Variants in MSGN1 observed in about 807,000 individuals in gnomAD.
MSGN1 encodes mesogenin 1.
In MSGN1, 3 loss-of-function variants were observed where a neutral mutation model predicts 10.1. That is an observed-to-expected ratio of 0.30 (90% CI 0.13 to 0.76). MSGN1 has a LOEUF of 0.76. Among genes scored for constraint, MSGN1 ranks in the 30% least tolerant of loss-of-function variants. MSGN1 has a pLI of 0.67. For synonymous variants in MSGN1, 110 were observed against 103.8 expected (o/e 1.06, Z -0.37); for missense variants, 244 against 244.5 (o/e 1.00, Z 0.01).
At position 17,816,505 on chromosome 2, in the gene MSGN1, G is replaced by T; in HGVS notation, c.-14G>T. On this transcript the variant is annotated 5_prime_UTR_variant, in exon 1 of 1. Transcript: ENST00000281047. ...TTGCCAGGGAGCCATTCCTTCTGCA[G>T]CTGTCTCGCAGGCATGGACAACCTG... The T allele has an allele frequency of 6.5e-7, 1 of 1,544,918 alleles. No individual in the cohort carries two copies. The highest frequency in any genetic ancestry group is 8.7e-7 in the Non-Finnish European group (1 of 1,143,698).
In MSGN1 at chr2:17,817,019, A is replaced by G. The variant is rs200799044; in HGVS notation, c.501A>G (p.Thr167=). Residue 167 remains threonine (T), a synonymous_variant, in exon 1 of 1, where the codon ACA becomes ACG. Transcript: ENST00000281047. ...GCCAGCCTCTCACCAAGATCCAGAC[A>G]CTCAAGTACACCATCAAGTACATCG... ...QRGQPLTKIQ[T]LKYTIKYIGE... 53 of 1,614,046 alleles carry G rather than the reference A, an allele frequency of 3.3e-5. No homozygotes were observed. Among genetic ancestry groups the G allele is most frequent in the Non-Finnish European group, 4.2e-6 (5 of 1,180,044 alleles).
chr2:17,817,248 G>T lies in MSGN1; in HGVS notation c.*148G>T. The T allele has an allele frequency of 1.4e-6, 1 of 739,406 alleles. No individual in the cohort carries two copies. The highest frequency in any genetic ancestry group is 2.2e-6 in the Non-Finnish European group (1 of 454,394). The allele number at this position is 739,406 out of a possible 1,614,324, so 45.8% of individuals were successfully genotyped here. ...ATCTTGTGATCTGAAAAACCCTAAG[G>T]GAATTCACATGTAACCTGTTGGACC... On this transcript the variant is annotated 3_prime_UTR_variant, in exon 1 of 1. Transcript: ENST00000281047.
Position 17,817,002 on chromosome 2 carries a change from C to T in MSGN1, c.484C>T (p.Leu162Phe). ...PPVYSQRGQP[L>F]TKIQTLKYTI... is the part of the protein sequence containing the mutation. ...TGTCTACAGCCAGAGAGGCCAGCCT[C>T]TCACCAAGATCCAGACACTCAAGTA... Residue 162 changes from leucine to phenylalanine, a missense_variant, in exon 1 of 1, where the codon CTC becomes TTC. Physicochemically the swap from Leu to Phe is conservative, Grantham distance 22 (BLOSUM62 0). Transcript: ENST00000281047. The T allele has an allele frequency of 6.2e-7, 1 of 1,614,224 alleles. No individual in the cohort carries two copies. The highest frequency in any genetic ancestry group is 1.6e-4 in the Middle Eastern group (1 of 6,062).
At position 17,817,074 on chromosome 2, in the gene MSGN1, A is replaced by C; in HGVS notation, c.556A>C (p.Arg186=). ...GELTDLLNRG[R]EPRAQSA The stretch of plus-strand genomic sequence containing the variant: ...ACTCACAGACCTCCTTAACCGCGGC[A>C]GAGAGCCCAGAGCCCAGAGCGCGTG... Residue 186 remains arginine, a synonymous_variant, in exon 1 of 1, where the codon AGA becomes CGA. Coordinates refer to ENST00000281047, the MANE Select transcript of MSGN1 (RefSeq NM_001105569.3). 6.2e-7 allele frequency: 1 copy of C among 1,613,950 alleles called. No individual in the cohort carries two copies.
Position 17,816,665 on chromosome 2 carries a change from G to T in MSGN1, c.147G>T (p.Pro49=). ...CCTCCCCCTCTCAGAGCCTTTCCCC[G>T]GCTCCATCGCTGGAATCCTATTCTT... The part of the protein sequence containing the change: ...NQASPSQSLS[P]APSLESYSSS... The change falls in exon 1 of 1, where the codon CCG becomes CCT. Residue 49 remains proline (P), a synonymous_variant. Transcript: ENST00000281047. 1 of 1,614,228 alleles carries T rather than the reference G, an allele frequency of 6.2e-7. No homozygotes were observed.
At position 17,816,482 on chromosome 2, in the gene MSGN1, G is replaced by A; in HGVS notation, c.-37G>A. On this transcript the variant is annotated 5_prime_UTR_variant, in exon 1 of 1. Coordinates refer to ENST00000281047, the MANE Select transcript of MSGN1 (RefSeq NM_001105569.3). ...GGCGGCAGAATTTTCTTTCTCACTT[G>A]CCAGGGAGCCATTCCTTCTGCAGCT... 7.3e-6 allele frequency: 11 copies of A among 1,507,160 alleles called. No individual in the cohort carries two copies. Among genetic ancestry groups the A allele is most frequent in the Non-Finnish European group, 9.8e-6 (11 of 1,124,012 alleles). The allele number at this position is 1,507,160 out of a possible 1,614,324, so 93.4% of individuals were successfully genotyped here. A position where few individuals can be genotyped will look rare whatever the true frequency, so the allele number is the denominator to read the frequency against.
rs375110697 is a variant in MSGN1 at position 17,816,959 on chromosome 2, C to T, written c.441C>T (p.Leu147=). 7.4e-6 allele frequency: 12 copies of T among 1,614,128 alleles called. No individual in the cohort carries two copies. The African/African-American group carries it at 1.5e-4, about 20-fold the overall frequency. Residue 147 remains leucine, a synonymous_variant, in exon 1 of 1, where the codon CTC becomes CTT. Transcript: ENST00000281047. ...CCTTGGCAGATGCCCTGCACACCCT[C>T]CGGAATTACCTGCCACCTGTCTACA... ...MRTLADALHT[L]RNYLPPVYSQ...
In MSGN1 at chr2:17,817,123, G is replaced by C. The variant is rs372635943; in HGVS notation, c.*23G>C. The C allele has an allele frequency of 6.3e-7, 1 of 1,595,266 alleles. No individual in the cohort carries two copies. The highest frequency in any genetic ancestry group is 8.6e-7 in the Non-Finnish European group (1 of 1,166,622). On this transcript the variant is annotated 3_prime_UTR_variant, in exon 1 of 1. Coordinates refer to ENST00000281047, the MANE Select transcript of MSGN1 (RefSeq NM_001105569.3). The stretch of plus-strand genomic sequence containing the variant: ...TGAGCTCCATCCGGGGAAACTGACC[G>C]GTTCCAGCCTCCTGAGCAGGAGTAG...
rs200591173 is a variant in MSGN1 at position 17,816,760 on chromosome 2, G to C, written c.242G>C (p.Gly81Ala). The stretch of plus-strand genomic sequence containing the variant: ...GGGGCCAGCAGTGGGGGCAGCGAAG[G>C]CTGCAGTGTCGGTGGGGCCAGTGGC... ...HGGASSGGSE[G>A]CSVGGASGLV... Residue 81 changes from glycine to alanine, a missense_variant, in exon 1 of 1, where the codon GGC (glycine) becomes GCC (alanine). Coordinates refer to ENST00000281047, the MANE Select transcript of MSGN1 (RefSeq NM_001105569.3). The C allele has an allele frequency of 1.2e-4, 196 of 1,614,008 alleles. 1 individual carries two copies. The East Asian group carries it at 4.3e-3, about 35-fold the overall frequency.
In MSGN1 at chr2:17,817,074, A is replaced by G. The variant is rs367554771; in HGVS notation, c.556A>G (p.Arg186Gly). ...GELTDLLNRG[R>G]EPRAQSA ...ACTCACAGACCTCCTTAACCGCGGCAGAGAGCCCAGAGCCCAGAGCGCGTG... is the reference window on the plus strand; with the variant it reads ...ACTCACAGACCTCCTTAACCGCGGCGGAGAGCCCAGAGCCCAGAGCGCGTG... Residue 186 changes from arginine (R) to glycine (G), a missense_variant, in exon 1 of 1, where the codon AGA becomes GGA. Transcript: ENST00000281047. The G allele has an allele frequency of 1.4e-5, 22 of 1,613,832 alleles. No individual in the cohort carries two copies. The highest frequency in any genetic ancestry group is 1.9e-5 in the Non-Finnish European group (22 of 1,179,888).
Position 17,816,617 on chromosome 2 carries a change from A to G in MSGN1, c.99A>G (p.Ala33=). 6.2e-7 allele frequency: 1 copy of G among 1,613,758 alleles called. No homozygotes were observed. Among genetic ancestry groups the G allele is most frequent in the Non-Finnish European group, 8.5e-7 (1 of 1,179,648 alleles). The change falls in exon 1 of 1, where the codon GCA becomes GCG. Residue 33 remains alanine (A), a synonymous_variant. Transcript: ENST00000281047. ...LLSSWDWKDR[A]GPFELNQASP... ...CTTCCTGGGACTGGAAGGACAGGGC[A>G]GGGCCCTTTGAGCTGAATCAGGCCT...
In MSGN1 at chr2:17,817,122, C is replaced by CGGTT. The variant is rs766015995; in HGVS notation, c.*23_*26dup. 6.3e-7 allele frequency: 1 copy of CGGTT among 1,594,950 alleles called. No homozygotes were observed. The highest frequency in any genetic ancestry group is 8.6e-7 in the Non-Finnish European group (1 of 1,166,418). On this transcript the variant is annotated 3_prime_UTR_variant, in exon 1 of 1. Transcript: ENST00000281047. ...GTGAGCTCCATCCGGGGAAACTGAC[C>CGGTT]GGTTCCAGCCTCCTGAGCAGGAGTA... is the stretch of plus-strand genomic sequence containing the variant.
Position 17,817,055 on chromosome 2 carries a change from A to G in MSGN1, c.537A>G (p.Thr179=). 1 of 1,613,840 alleles carries G rather than the reference A, an allele frequency of 6.2e-7. No homozygotes were observed. The highest frequency in any genetic ancestry group is 8.5e-7 in the Non-Finnish European group (1 of 1,179,762). ...CCATCAAGTACATCGGGGAACTCAC[A>G]GACCTCCTTAACCGCGGCAGAGAGC... ...KYTIKYIGEL[T]DLLNRGREPR... is the part of the protein sequence containing the mutation. Residue 179 remains threonine (T), a synonymous_variant, in exon 1 of 1, where the codon ACA becomes ACG. Coordinates refer to ENST00000281047, the MANE Select transcript of MSGN1 (RefSeq NM_001105569.3).
At position 17,816,870 on chromosome 2, in the gene MSGN1, A is replaced by G. The variant is rs767095319; in HGVS notation, c.352A>G (p.Lys118Glu). ...TGGCCCCAAGGCCCAGAAGGGCACCAAAGTCAGGATGTCTGTCCAGCGGAG... is the reference window on the plus strand; with the variant it reads ...TGGCCCCAAGGCCCAGAAGGGCACCGAAGTCAGGATGTCTGTCCAGCGGAG... ...GGGPKAQKGT[K>E]VRMSVQRRRK... is the part of the protein sequence containing the mutation. Residue 118 changes from lysine (K) to glutamate (E), a missense_variant, in exon 1 of 1, where the codon AAA (lysine) becomes GAA (glutamate). Transcript: ENST00000281047. The G allele has an allele frequency of 1.6e-5, 26 of 1,614,240 alleles. No individual in the cohort carries two copies. Among genetic ancestry groups the G allele is most frequent in the East Asian group, 1.3e-4 (6 of 44,880 alleles).
In MSGN1 at chr2:17,816,945, G is replaced by GCCCTGCACA. The variant is rs772224009; in HGVS notation, c.432_440dup (p.His145_Leu147dup). On this transcript the variant is annotated inframe_insertion, in exon 1 of 1. Transcript: ENST00000281047. ...GCTCAGGATGAGGACCTTGGCAGAT[G>GCCCTGCACA]CCCTGCACACCCTCCGGAATTACCT... 2 of 1,614,240 alleles carry GCCCTGCACA rather than the reference G, an allele frequency of 1.2e-6. No individual in the cohort carries two copies. The highest frequency in any genetic ancestry group is 2.2e-5 in the South Asian group (2 of 91,074).
At position 17,817,474 on chromosome 2, in the gene MSGN1, AC is replaced by A. The variant is rs1158110926; in HGVS notation, c.*376del. The stretch of plus-strand genomic sequence containing the variant: ...AATCTCTTGCCATTTTGGCGTTGAG[AC>A]CTTTTCTTCTGTTGCTAACAAAACC... On this transcript the variant is annotated 3_prime_UTR_variant, in exon 1 of 1. Transcript: ENST00000281047. Among the ~76,000 whole-genome samples, 1 of 152,140 alleles carries A rather than the reference AC, an allele frequency of 6.6e-6. No homozygotes were observed. The highest frequency in any genetic ancestry group is 1.5e-5 in the Non-Finnish European group (1 of 68,026).
At position 17,817,133 on chromosome 2, in the gene MSGN1, T is replaced by C; in HGVS notation, c.*33T>C. ...CCGGGGAAACTGACCGGTTCCAGCCTCCTGAGCAGGAGTAGAGGAGTTTTG... is the reference window on the plus strand; with the variant it reads ...CCGGGGAAACTGACCGGTTCCAGCCCCCTGAGCAGGAGTAGAGGAGTTTTG... On this transcript the variant is annotated 3_prime_UTR_variant, in exon 1 of 1. Transcript: ENST00000281047. 6.3e-7 allele frequency: 1 copy of C among 1,578,534 alleles called. No individual in the cohort carries two copies. The highest frequency in any genetic ancestry group is 8.7e-7 in the Non-Finnish European group (1 of 1,154,436).
At position 17,816,696 on chromosome 2, in the gene MSGN1, C is replaced by T; in HGVS notation, c.178C>T (p.Pro60Ser). The T allele has an allele frequency of 6.2e-7, 1 of 1,614,254 alleles. No individual in the cohort carries two copies. Among genetic ancestry groups the T allele is most frequent in the South Asian group, 1.1e-5 (1 of 91,078 alleles). The change falls in exon 1 of 1, where the codon CCC becomes TCC. Residue 60 changes from proline (P) to serine (S), a missense_variant. Coordinates refer to ENST00000281047, the MANE Select transcript of MSGN1 (RefSeq NM_001105569.3). ...ATCGCTGGAATCCTATTCTTCTTCT[C>T]CCTGTCCAGCTGTGGCTGGGCTGCC... ...APSLESYSSS[P>S]CPAVAGLPCE...
chr2:17,817,027 A>T lies in MSGN1; in HGVS notation c.509A>T (p.Tyr170Phe). ...QPLTKIQTLK[Y>F]TIKYIGELTD... ...CTCACCAAGATCCAGACACTCAAGT[A>T]CACCATCAAGTACATCGGGGAACTC... Residue 170 changes from tyrosine to phenylalanine, a missense_variant, in exon 1 of 1, where the codon TAC becomes TTC. By Grantham distance (22) the Tyr-to-Phe change is conservative. Coordinates refer to ENST00000281047, the MANE Select transcript of MSGN1 (RefSeq NM_001105569.3). 1 of 1,613,906 alleles carries T rather than the reference A, an allele frequency of 6.2e-7. No individual in the cohort carries two copies. Among genetic ancestry groups the T allele is most frequent in the Non-Finnish European group, 8.5e-7 (1 of 1,179,768 alleles).
Sources: gnomAD v4.1 joint callset for allele counts (sites outside exome capture counted in the v4.1 genomes callset) on GRCh38, gnomAD v4.1.1 for gene constraint, MANE v1.5 for transcripts, NCBI Gene and HGNC (gene_info 2026-07-23, HGNC 2026-07-21) for gene names.